The following TTN variants were observed in gnomAD, a reference collection of about 807,000 sequenced individuals.
TTN encodes titin, also known as connectin.
In TTN, 1,525 loss-of-function variants were observed where a neutral mutation model predicts 3,223.0. That is an observed-to-expected ratio of 0.47 (90% confidence interval 0.45 to 0.49). TTN has a LOEUF of 0.49. Among genes scored for constraint, TTN ranks in the 20% least tolerant of loss-of-function variants. The pLI is 0.00. For synonymous variants in TTN, 14,094 were observed against 15,161.0 expected, an observed-to-expected ratio of 0.93 and a Z score of 5.17; for missense variants, 40,786 against 43,424.0, an observed-to-expected ratio of 0.94 and a Z score of 5.40.
At chr2:178,627,719 A>C (rs1380706172) in intron 240 of TTN, among the ~76,000 whole-genome samples, 3 of 152,000 alleles carry the variant, frequency 2.0e-5, no homozygotes, top group Non-Finnish European at 1.5e-5. Context: ...ATTTGAATTA[A>C]AATAGTGCAG....
intron 2 of TTN, 142 bp from the exon 3 acceptor site, chr2:178,802,483 C>T (rs1236033290): frequency 1.1e-6 from 1 of 944,622 alleles, no homozygotes; most frequent in Non-Finnish European, 1.6e-6. Flanking sequence ...GAAAACCCTA[C>T]AGTTGCATGA....
intron 330 of TTN, chr2:178,556,455 CAA>C (rs1358914365): frequency 4.0e-4 from 75 of 185,876 alleles, no homozygotes; most frequent in Middle Eastern, 2.0e-3. Flanking sequence ...AACAAACAAA[CAA>C]AAAAAAAAAA....
intron 213 of TTN, 65 bp from the exon 214 acceptor site, chr2:178,647,529 A>G: frequency 2.0e-6 from 3 of 1,484,100 alleles, no homozygotes; most frequent in Non-Finnish European, 2.8e-6. Flanking sequence ...TCTAAAGAGC[A>G]GGCAAAGAAT....
Position 178,732,654 on chromosome 2 carries a change from C to T in TTN, c.16407G>A (p.Leu5469=). The stretch of plus-strand genomic sequence containing the variant: ...GAGTAGATCCTTGGAAAGTGCTCTT[C>T]AGGCAGACTGCTGAGCCAGGCAGAA... The part of the protein sequence containing the change: ...KDVLPGSAVC[L]KSTFQGSTPL... The change falls in exon 56 of 363, where the codon CTG becomes CTA. Residue 5469 remains leucine (L), a synonymous_variant. Transcript: ENST00000589042. The T allele has an allele frequency of 6.2e-7, 1 of 1,612,238 alleles. No individual in the cohort carries two copies. Among genetic ancestry groups the T allele is most frequent in the Non-Finnish European group, 8.5e-7 (1 of 1,179,042 alleles).
Position 178,692,015 on chromosome 2 carries a change from CCT to C in TTN, c.31761_31762del (p.Lys10587AsnfsTer11). On this transcript the variant is annotated frameshift_variant and splice_region_variant, in exon 121 of 363. Transcript: ENST00000589042. LOFTEE classifies it high-confidence loss of function. ...TCTCCCCATCATTGGCTCTGGCGTA[CCT>C]TTTGGGGGAGCAGCAGGTTCCTTCT... The C allele has an allele frequency of 6.2e-7, 1 of 1,610,958 alleles. No homozygotes were observed. The highest frequency in any genetic ancestry group is 8.5e-7 in the Non-Finnish European group (1 of 1,178,382).
Position 178,569,422 on chromosome 2 carries a change from A to C in TTN, c.76710T>G (p.Asn25570Lys). 1 of 1,613,354 alleles carries C rather than the reference A, an allele frequency of 6.2e-7. No individual in the cohort carries two copies. The highest frequency in any genetic ancestry group is 1.1e-5 in the South Asian group (1 of 91,018). The change falls in exon 326 of 363, where the codon AAT becomes AAG. Residue 25570 changes from asparagine to lysine, a missense_variant. By Grantham distance (94) the Asn-to-Lys change is moderately conservative. Transcript: ENST00000589042. ...ATTTTCCACTATCATATCGGTTGAC[A>C]TTGTCAAGAACAAGAGAGGTGAAAC... ...TSSFTSLVLD[N>K]VNRYDSGKYT... is the part of the protein sequence containing the mutation.
In TTN at chr2:178,559,491, G is replaced by C; in HGVS notation, c.86641C>G (p.His28881Asp). ...TTGCTGGCCTCACGTTTTTCTATGT[G>C]GTAATTCTTCACTGGTGCTCCACCA... ...NDGGAPVKNY[H>D]IEKREASKKA... The change falls in exon 326 of 363, where the codon CAC becomes GAC. Residue 28881 changes from histidine (H) to aspartate (D), a missense_variant. His to Asp is a moderately conservative substitution (Grantham distance 81). Coordinates refer to ENST00000589042, the MANE Select transcript of TTN (RefSeq NM_001267550.2). 6.2e-7 allele frequency: 1 copy of C among 1,613,576 alleles called. No individual in the cohort carries two copies.
Position 178,674,254 on chromosome 2 carries a change from A to C in TTN, c.34708+60T>G, listed in dbSNP as rs1363572140. On this transcript the variant is annotated intron_variant, in intron 151 of 362. Transcript: ENST00000589042. ...ATACTGGTGAATCTTAGATTTAGCT[A>C]CTGAGAAAGATTTGGAACACCAGGA... 7.3e-6 allele frequency: 7 copies of C among 954,858 alleles called. No individual in the cohort carries two copies. The East Asian group carries it at 1.8e-4, about 25-fold the overall frequency. 59.1% of individuals were successfully genotyped at this position (954,858 alleles called of 1,614,324 possible).
Position 178,678,395 on chromosome 2 carries a change from A to G in TTN, c.33910+19T>C, listed in dbSNP as rs1384678044. ...GTGAGTTTTTTCCCCCAAGTACTCT[A>G]AGTGATGAAATTATGTACCTTTTGC... On this transcript the variant is annotated intron_variant, in intron 144 of 362. Transcript: ENST00000589042. The G allele has an allele frequency of 5.1e-6, 8 of 1,571,022 alleles. No homozygotes were observed. Among genetic ancestry groups the G allele is most frequent in the Non-Finnish European group, 6.9e-6 (8 of 1,157,506 alleles).
rs1438979717 is a variant in TTN at position 178,633,645 on chromosome 2, A to T, written c.42714T>A (p.His14238Gln). ...CATCCTTCTCCACTGCAGTTTTGTC[A>T]TGTAATTTCACAGTGAAGTAGGGAT... ...EADPYFTVKL[H>Q]DKTAVEKDEI... The change falls in exon 232 of 363, where the codon CAT becomes CAA. Residue 14238 changes from histidine (H) to glutamine (Q), a missense_variant. Physicochemically the swap from His to Gln is conservative, Grantham distance 24. Coordinates refer to ENST00000589042, the MANE Select transcript of TTN (RefSeq NM_001267550.2). The T allele has an allele frequency of 1.6e-5, 26 of 1,612,828 alleles. No homozygotes were observed. The highest frequency in any genetic ancestry group is 2.1e-5 in the Non-Finnish European group (25 of 1,179,484).
Position 178,738,331 on chromosome 2 carries a change from G to T in TTN, c.14122C>A (p.Pro4708Thr). The part of the protein sequence containing the change: ...AAPVIKRKIE[P>T]LEVALGHLAK... ...AGGTGGCCCAGTGCTACTTCCAGGGGTTCGATTTTCCTCTTGATCACTGGG... is the reference window on the plus strand; with the variant it reads ...AGGTGGCCCAGTGCTACTTCCAGGGTTTCGATTTTCCTCTTGATCACTGGG... The change falls in exon 49 of 363, where the codon CCC becomes ACC. Residue 4708 changes from proline (P) to threonine (T), a missense_variant. Pro to Thr is a conservative substitution (Grantham distance 38). Transcript: ENST00000589042. 1 of 1,613,004 alleles carries T rather than the reference G, an allele frequency of 6.2e-7. No individual in the cohort carries two copies. The highest frequency in any genetic ancestry group is 8.5e-7 in the Non-Finnish European group (1 of 1,179,290).
In TTN at chr2:178,537,563, C is replaced by G. The variant is rs373182320; in HGVS notation, c.99644G>C (p.Arg33215Pro). 2.5e-6 allele frequency: 4 copies of G among 1,613,746 alleles called. No homozygotes were observed. Among genetic ancestry groups the G allele is most frequent in the Middle Eastern group, 1.7e-4 (1 of 6,060 alleles). Residue 33215 changes from arginine (R) to proline (P), a missense_variant, in exon 355 of 363, where the codon CGG becomes CCG. Transcript: ENST00000589042. The stretch of plus-strand genomic sequence containing the variant: ...ACGACCAATGTACATAACATGAAGC[C>G]GAAGTGTGGAACCCACAGCTCCATA... Reference protein sequence around the residue: ...KYYGAVGSTLRLHVMYIGRPV... With the variant: ...KYYGAVGSTLPLHVMYIGRPV...
Position 178,767,817 on chromosome 2 carries a change from G to A in TTN, c.9413C>T (p.Ala3138Val), listed in dbSNP as rs755278092. 1.9e-6 allele frequency: 3 copies of A among 1,614,112 alleles called. No individual in the cohort carries two copies. In the South Asian group the frequency reaches 3.3e-5, roughly 18 times the overall value. ...TVVAGGNVST[A>V]KLFVEGRDVR... is the part of the protein sequence containing the mutation. The stretch of plus-strand genomic sequence containing the variant: ...ATCTCTGCCTTCTACAAAGAGTTTT[G>A]CAGTTGACACGTTGCCTCCTGCCAC... Residue 3138 changes from alanine (A) to valine (V), a missense_variant, in exon 40 of 363, where the codon GCA (alanine) becomes GTA (valine). By Grantham distance (64) the Ala-to-Val change is moderately conservative. Transcript: ENST00000589042.
chr2:178,675,335 G>A (rs949873967), intron 149 of TTN: 3 of 394,804 alleles, frequency 7.6e-6, no homozygotes, highest in Admixed American at 4.6e-5. Flanking sequence ...TACTGCTGGA[G>A]CCTCTATTTC....
In TTN at chr2:178,636,678, C is replaced by T. The variant is rs267599052; in HGVS notation, c.41049G>A (p.Leu13683=). Residue 13683 remains leucine (L), a synonymous_variant, in exon 225 of 363, where the codon CTG becomes CTA. Coordinates refer to ENST00000589042, the MANE Select transcript of TTN (RefSeq NM_001267550.2). This position sits in a 1 kb window ranked among gnomAD's most constrained non-coding sequence, Gnocchi z 4.3. ...TGTCTTTGATTTCTTTCACAAACTT[C>T]AGTGGCACAGCCTTTAGCTGGTAGG... is the stretch of plus-strand genomic sequence containing the variant. The part of the protein sequence containing the change: ...PFTYQLKAVP[L]KFVKEIKDII... 3.1e-6 allele frequency: 5 copies of T among 1,613,332 alleles called. No individual in the cohort carries two copies. Among genetic ancestry groups the T allele is most frequent in the Non-Finnish European group, 4.2e-6 (5 of 1,179,526 alleles).
At chr2:178,550,931 T>C (rs954944864) in intron 336 of TTN, 36 bp downstream of exon 336, 1 of 1,595,974 alleles carries the variant, frequency 6.3e-7, no homozygotes, top group African/African-American at 1.3e-5. Context: ...ATGTGAATGC[T>C]CTTAGTCTCA....
At chr2:178,543,792 G>T in intron 346 of TTN, 42 bp downstream of exon 346, 1 of 1,600,888 alleles carries the variant, frequency 6.2e-7, no homozygotes, top group Non-Finnish European at 8.5e-7. Context: ...TTGTTTTAGA[G>T]GATCTACTCA....
chr2:178,698,714 G>T, intron 112 of TTN, 129 bp downstream of exon 112: 2 of 831,940 alleles, frequency 2.4e-6, no homozygotes, highest in Non-Finnish European at 1.8e-6. Context: ...GAGGGCGAAA[G>T]TGAGTGAAGG....
Position 178,722,241 on chromosome 2 carries a change from A to T in TTN, c.22528+18T>A. The T allele has an allele frequency of 6.5e-7, 1 of 1,544,040 alleles. No individual in the cohort carries two copies. Among genetic ancestry groups the T allele is most frequent in the South Asian group, 1.3e-5 (1 of 77,018 alleles). On this transcript the variant is annotated intron_variant, in intron 77 of 362. Coordinates refer to ENST00000589042, the MANE Select transcript of TTN (RefSeq NM_001267550.2). Reference sequence around the variant, plus strand: ...GAAGCCACAGTTTGCAAAGAAAAAGAGTGACGTGTGAACAAACCTCTTGCT... The same window carrying T: ...GAAGCCACAGTTTGCAAAGAAAAAGTGTGACGTGTGAACAAACCTCTTGCT...
Sources: allele counts gnomAD v4.1 joint callset (sites outside exome capture counted in the v4.1 genomes callset), GRCh38; gene constraint gnomAD v4.1.1; non-coding constraint Gnocchi (gnomAD v3.1); transcripts MANE v1.5; gene names NCBI Gene and HGNC (gene_info 2026-07-23, HGNC 2026-07-21).